DRC11: variants seen among roughly 807,000 people sequenced by gnomAD.
DRC11 encodes the protein dynein regulatory complex subunit 11, also known as IQ and AAA domain-containing protein 1.
the DRC11 span, among the ~76,000 whole-genome samples, chr2:236,475,041 AC>A: frequency 6.6e-6 from 1 of 152,046 alleles, no homozygotes; most frequent in East Asian, 1.9e-4. This position sits in a 1 kb window ranked among gnomAD's most constrained non-coding sequence, Gnocchi z 4.8. Flanking sequence ...AACTATACTC[AC>A]TTTATTGAAC....
chr2:236,349,551 A>G, the DRC11 span, among the ~76,000 whole-genome samples: 2 of 152,228 alleles, frequency 1.3e-5, no homozygotes, highest in African/African-American at 2.4e-5. The surrounding 1 kb of genome is among the most constrained non-coding windows in gnomAD (Gnocchi z 5.5). Context: ...AAAAAGAATG[A>G]GACTATGTCT....
the DRC11 span, among the ~76,000 whole-genome samples, chr2:236,430,197 T>A: frequency 7.4e-6 from 1 of 135,872 alleles, no homozygotes; most frequent in African/African-American, 3.0e-5. The surrounding 1 kb of genome is among the most constrained non-coding windows in gnomAD (Gnocchi z 6.0). Context: ...AATATACATA[T>A]AACACACACA....
the DRC11 span, among the ~76,000 whole-genome samples, chr2:236,462,008 C>A: frequency 6.6e-6 from 1 of 152,026 alleles, no homozygotes; most frequent in African/African-American, 2.4e-5. This position sits in a 1 kb window ranked among gnomAD's most constrained non-coding sequence, Gnocchi z 6.4. Context: ...GGGTGGGGAC[C>A]CTGAGCCCTT....
the DRC11 span, among the ~76,000 whole-genome samples, chr2:236,393,329 C>G: frequency 6.6e-6 from 1 of 152,198 alleles, no homozygotes; most frequent in East Asian, 1.9e-4. The surrounding 1 kb of genome is among the most constrained non-coding windows in gnomAD (Gnocchi z 4.7). Flanking sequence ...CAAGGGCTGC[C>G]CCTTGTGAAG....
At chr2:236,411,139 C>T in the DRC11 span, among the ~76,000 whole-genome samples, 2 of 149,174 alleles carry the variant, frequency 1.3e-5, no homozygotes, top group African/African-American at 2.5e-5. Flanking sequence ...ATTTTCGCAA[C>T]CTACTCATCT....
At chr2:236,460,574 C>G in the DRC11 span, among the ~76,000 whole-genome samples, 27 of 152,160 alleles carry the variant, frequency 1.8e-4, no homozygotes, top group African/African-American at 6.3e-4. This position sits in a 1 kb window ranked among gnomAD's most constrained non-coding sequence, Gnocchi z 4.0. Context: ...TTTCTTTGTC[C>G]TCATATTTTT....
the DRC11 span, among the ~76,000 whole-genome samples, chr2:236,491,235 A>AG: frequency 1.8e-3 from 121 of 69,066 alleles, 13 homozygotes; most frequent in Non-Finnish European, 3.0e-3. Context: ...ATATATATAT[A>AG]TATATACACA....
At chr2:236,479,100 C>T in the DRC11 span, among the ~76,000 whole-genome samples, 1 of 152,172 alleles carries the variant, frequency 6.6e-6, no homozygotes, top group Non-Finnish European at 1.5e-5. The surrounding 1 kb of genome is among the most constrained non-coding windows in gnomAD (Gnocchi z 4.1). Context: ...GCTGGGATTA[C>T]AGGCGTGAGC....
the DRC11 span, among the ~76,000 whole-genome samples, chr2:236,317,355 C>T: frequency 1.3e-5 from 2 of 151,922 alleles, no homozygotes; most frequent in African/African-American, 4.8e-5. This position sits in a 1 kb window ranked among gnomAD's most constrained non-coding sequence, Gnocchi z 5.4. Context: ...CTAAGTATGG[C>T]ATCTACAAGG....
the DRC11 span, among the ~76,000 whole-genome samples, chr2:236,357,188 T>TAG: frequency 1.6e-5 from 2 of 123,524 alleles, no homozygotes; most frequent in African/African-American, 6.6e-5. Flanking sequence ...TATATATTCA[T>TAG]ATATATTATA....
chr2:236,378,812 CA>C, the DRC11 span, among the ~76,000 whole-genome samples: 1 of 152,130 alleles, frequency 6.6e-6, no homozygotes, highest in South Asian at 2.1e-4. Context: ...TACGCATGGA[CA>C]GATGTGTGCC....
At chr2:236,450,314 CTTT>C in the DRC11 span, among the ~76,000 whole-genome samples, 24 of 82,360 alleles carry the variant, frequency 2.9e-4, no homozygotes, top group African/African-American at 9.9e-4. Flanking sequence ...CTTTTCTTTT[CTTT>C]TTTTTTTTTT....
At chr2:236,403,976 T>C in the DRC11 span, among the ~76,000 whole-genome samples, 1 of 151,954 alleles carries the variant, frequency 6.6e-6, no homozygotes, top group East Asian at 1.9e-4. Flanking sequence ...TTTCCCCGAA[T>C]AGAAACCAGG....
chr2:236,348,704 C>T, the DRC11 span, among the ~76,000 whole-genome samples: 30 of 152,262 alleles, frequency 2.0e-4, 1 homozygote, highest in African/African-American at 6.5e-4. The surrounding 1 kb of genome is among the most constrained non-coding windows in gnomAD (Gnocchi z 7.4). Flanking sequence ...TGTTGTCTGG[C>T]GTTAGCAGTT....
chr2:236,500,776 C>T, the DRC11 span, among the ~76,000 whole-genome samples: 2 of 152,318 alleles, frequency 1.3e-5, no homozygotes, highest in East Asian at 3.9e-4. The surrounding 1 kb of genome is among the most constrained non-coding windows in gnomAD (Gnocchi z 6.3). Flanking sequence ...GATCTCAGCT[C>T]ATTCCAACCT....
the DRC11 span, chr2:236,440,961 G>A: frequency 6.8e-6 from 6 of 876,012 alleles, no homozygotes; most frequent in South Asian, 3.1e-5. Flanking sequence ...ACCTAATAAC[G>A]CTATAAACTC....
the DRC11 span, among the ~76,000 whole-genome samples, chr2:236,420,223 G>A: frequency 6.6e-6 from 1 of 152,218 alleles, no homozygotes; most frequent in Admixed American, 6.5e-5. The surrounding 1 kb of genome is among the most constrained non-coding windows in gnomAD (Gnocchi z 4.8). Flanking sequence ...ATACAGTGCA[G>A]TATCCCAGCC....
the DRC11 span, among the ~76,000 whole-genome samples, chr2:236,466,652 A>G: frequency 6.6e-6 from 1 of 152,092 alleles, no homozygotes; most frequent in Non-Finnish European, 1.5e-5. Flanking sequence ...GAGGTCCCAG[A>G]CTTGTATAAA....
chr2:236,503,715 C>A, the DRC11 span: 9 of 1,549,960 alleles, frequency 5.8e-6, no homozygotes, highest in Non-Finnish European at 7.9e-6. The surrounding 1 kb of genome is among the most constrained non-coding windows in gnomAD (Gnocchi z 4.9). Context: ...TCCTGCTCCC[C>A]AGCTGTCCTG....
Sources: allele counts gnomAD v4.1 joint callset (sites outside exome capture counted in the v4.1 genomes callset), GRCh38; gene constraint gnomAD v4.1.1; non-coding constraint Gnocchi (gnomAD v3.1); transcripts MANE v1.5; gene names NCBI Gene and HGNC (gene_info 2026-07-23, HGNC 2026-07-21).